Variants in KMT2C observed in about 807,000 individuals in gnomAD.
KMT2C encodes the protein histone-lysine N-methyltransferase 2C.
Under a neutral mutation model 507.9 loss-of-function variants are expected in KMT2C, and 88 were observed. The ratio of observed to expected loss-of-function variants is 0.17; its 90% CI spans 0.15 to 0.21. KMT2C has a LOEUF of 0.21. Among genes scored for constraint, KMT2C ranks in the 10% least tolerant of loss-of-function variants. KMT2C has a pLI of 1.00. For synonymous variants in KMT2C, 2,049 were observed against 2,080.8 expected (o/e 0.98, Z 0.42); for missense variants, 4,954 against 5,957.8 (o/e 0.83, Z 5.55).
At chr7:152,377,729 C>T (rs113327619) in intron 1 of KMT2C, among the ~76,000 whole-genome samples, 10 of 131,194 alleles carry the variant, frequency 7.6e-5, no homozygotes, top group East Asian at 4.2e-4. Flanking sequence ...AGCGAGACTC[C>T]GTCTCAAAAA....
At position 152,149,129 on chromosome 7, in the gene KMT2C, T is replaced by C. The variant is rs1013645708; in HGVS notation, c.12798A>G (p.Gln4266=). Residue 4266 remains glutamine, a synonymous_variant, in exon 52 of 59, where the codon CAA becomes CAG. Coordinates refer to ENST00000262189, the MANE Select transcript of KMT2C (RefSeq NM_170606.3). ...ENKESIPSLP[Q]SPMRETPSKA... ...TGGAAGGCGTTTCTCTCATAGGTGA[T>C]TGTGGCAATGAAGGAATGGATTCCT... 48 of 1,464,630 alleles carry C rather than the reference T, an allele frequency of 3.3e-5. No individual in the cohort carries two copies. The highest frequency in any genetic ancestry group is 4.1e-5 in the Non-Finnish European group (45 of 1,109,318). The allele number at this position is 1,464,630 out of a possible 1,614,324, so 90.7% of individuals were successfully genotyped here. A position where few individuals can be genotyped will look rare whatever the true frequency, so the allele number is the denominator to read the frequency against.
At chr7:152,146,403 A>C (rs1486978212) in intron 53 of KMT2C, among the ~76,000 whole-genome samples, 196 bp downstream of exon 53, 1 of 152,200 alleles carries the variant, frequency 6.6e-6, no homozygotes, top group Non-Finnish European at 1.5e-5. Context: ...TTGGTTAACT[A>C]CCTCAACTGG....
intron 23 of KMT2C, among the ~76,000 whole-genome samples, chr7:152,215,288 C>T (rs1456495316): frequency 2.6e-5 from 4 of 151,620 alleles, no homozygotes; most frequent in African/African-American, 9.7e-5. Flanking sequence ...CCGAGGCAGG[C>T]AGATCACGAG....
intron 51 of KMT2C, among the ~76,000 whole-genome samples, chr7:152,150,219 A>T (rs2091492492): frequency 6.6e-6 from 1 of 152,230 alleles, no homozygotes; most frequent in Admixed American, 6.5e-5. Context: ...CTTTCACCAT[A>T]CTGTGAGCAA....
chr7:152,294,560 GCAGTATA>G (rs1397512558), intron 6 of KMT2C, among the ~76,000 whole-genome samples: 1 of 151,618 alleles, frequency 6.6e-6, no homozygotes, highest in Non-Finnish European at 1.5e-5. Flanking sequence ...GTTCATAGTT[GCAGTATA>G]CTATCATTAC....
At chr7:152,337,229 C>T (rs1182682800) in intron 2 of KMT2C, among the ~76,000 whole-genome samples, 1 of 152,160 alleles carries the variant, frequency 6.6e-6, no homozygotes, top group African/African-American at 2.4e-5. Flanking sequence ...CAAGATCACA[C>T]CACTGCACTC....
Sources: gnomAD v4.1 joint callset for allele counts (sites outside exome capture counted in the v4.1 genomes callset) on GRCh38, gnomAD v4.1.1 for gene constraint, MANE v1.5 for transcripts, NCBI Gene and HGNC (gene_info 2026-07-23, HGNC 2026-07-21) for gene names.